The following CHD5 variants were observed in gnomAD, a reference collection of about 807,000 sequenced individuals.
CHD5 encodes the protein ATP-dependent chromatin remodeler CHD5.
Under a neutral mutation model 230.3 loss-of-function variants are expected in CHD5, and 69 were observed. The observed-to-expected ratio is 0.30, with a 90% CI of 0.25 to 0.37. The LOEUF (loss-of-function observed/expected upper bound fraction) is 0.37. Among genes scored for constraint, CHD5 ranks in the 10% least tolerant of loss-of-function variants. CHD5 has a pLI of 1.00. For missense variants in CHD5, 1,827 were observed against 2,622.8 expected, an observed-to-expected ratio of 0.70 and a Z score of 6.63; for synonymous variants, 1,064 against 1,065.9, an observed-to-expected ratio of 1.00 and a Z score of 0.03.
chr1:6,152,404 A>C lies in CHD5; in HGVS notation c.870+8T>G. 6.2e-7 allele frequency: 1 copy of C among 1,612,328 alleles called. No homozygotes were observed. The highest frequency in any genetic ancestry group is 8.5e-7 in the Non-Finnish European group (1 of 1,179,154). ...TGCACACACACGCGCACACACGCAC[A>C]CACTCACCGAGGAGCCTTTCTTCCT... is the stretch of plus-strand genomic sequence containing the variant. On this transcript the variant is annotated splice_region_variant and intron_variant, in intron 6 of 41. Coordinates refer to ENST00000262450, the MANE Select transcript of CHD5 (RefSeq NM_015557.3).
intron 1 of CHD5, among the ~76,000 whole-genome samples, chr1:6,176,425 G>A (rs1335091775): frequency 6.6e-6 from 1 of 152,206 alleles, no homozygotes; most frequent in African/African-American, 2.4e-5. Flanking sequence ...CTGGGCCAAT[G>A]AGGCAGGGAA....
At position 6,155,637 on chromosome 1, in the gene CHD5, G is replaced by A; in HGVS notation, c.468C>T (p.His156=). 6.2e-7 allele frequency: 1 copy of A among 1,614,148 alleles called. No homozygotes were observed. The highest frequency in any genetic ancestry group is 8.5e-7 in the Non-Finnish European group (1 of 1,180,002). The change falls in exon 4 of 42, where the codon CAC becomes CAT. Residue 156 remains histidine, a synonymous_variant. Coordinates refer to ENST00000262450, the MANE Select transcript of CHD5 (RefSeq NM_015557.3). This position sits in a 1 kb window ranked among gnomAD's most constrained non-coding sequence, Gnocchi z 4.0. The part of the protein sequence containing the change: ...VDYLFSEEDY[H]TLTNYKAFSQ... ...TGAAGGCCTTGTAGTTGGTCAGCGT[G>A]TGGTAATCCTCCTCCGAGAACAGGT...
Position 6,154,700 on chromosome 1 carries a change from C to A in CHD5, c.705G>T (p.Gln235His). ...PLAVSPPQVP[Q>H]PVPIRKAKTK... ...TCTTGGCCTTGCGGATAGGCACAGG[C>A]TGGGGCACCTGCGGGGGGCTGACGG... Residue 235 changes from glutamine (Q) to histidine (H), a missense_variant, in exon 5 of 42, where the codon CAG (glutamine) becomes CAT (histidine). This residue lies in a region of CHD5 where 657 missense variants were observed against 816.4 expected (regional missense o/e 0.80). Transcript: ENST00000262450. This position sits in a 1 kb window ranked among gnomAD's most constrained non-coding sequence, Gnocchi z 7.0. 1 of 1,599,904 alleles carries A rather than the reference C, an allele frequency of 6.3e-7. No homozygotes were observed. The highest frequency in any genetic ancestry group is 8.5e-7 in the Non-Finnish European group (1 of 1,172,060).
In CHD5 at chr1:6,135,365, G is replaced by C. The variant is rs1474624774; in HGVS notation, c.2735C>G (p.Ser912Cys). 6.2e-7 allele frequency: 1 copy of C among 1,613,520 alleles called. No homozygotes were observed. The highest frequency in any genetic ancestry group is 8.5e-7 in the Non-Finnish European group (1 of 1,179,764). ...EGFLEEFADI[S>C]KEDQIKKLHD... ...CAGCTTCTTGATCTGGTCTTCCTTG[G>C]AGATGTCAGCAAACTCCTCCAGGAA... The change falls in exon 18 of 42, where the codon TCC becomes TGC. Residue 912 changes from serine to cysteine, a missense_variant. This residue lies in a region of CHD5 where 52 missense variants were observed against 164.5 expected (regional missense o/e 0.32). Transcript: ENST00000262450.
chr1:6,116,063 G>C (rs1006631454), intron 33 of CHD5, among the ~76,000 whole-genome samples: 1 of 152,200 alleles, frequency 6.6e-6, no homozygotes, highest in African/African-American at 2.4e-5. Context: ...CTTGTACTCT[G>C]CTTTCTTCTT....
chr1:6,166,904 A>C (rs12085811), intron 2 of CHD5, among the ~76,000 whole-genome samples: 32,889 of 151,908 alleles, frequency 0.22, 5,663 homozygotes, highest in African/African-American at 0.48. Flanking sequence ...ATGGTGCACC[A>C]CCCGCAACAG....
chr1:6,127,792 T>C (rs1408891539), intron 25 of CHD5, among the ~76,000 whole-genome samples: 2 of 152,210 alleles, frequency 1.3e-5, no homozygotes, highest in Non-Finnish European at 2.9e-5. Context: ...CTGTTGTGTC[T>C]CTAGTCCTGA....
chr1:6,134,312 C>T lies in CHD5; in HGVS notation c.3013-53G>A. ...TGGTGGGCTCCCCTCTCCTCTCTGA[C>T]TCTGCACCAAAGGGGCCGCAGGGAA... On this transcript the variant is annotated intron_variant, in intron 19 of 41. Transcript: ENST00000262450. The surrounding 1 kb of genome is among the most constrained non-coding windows in gnomAD (Gnocchi z 6.3). 3 of 1,597,702 alleles carry T rather than the reference C, an allele frequency of 1.9e-6. No individual in the cohort carries two copies. In the South Asian group the frequency reaches 3.3e-5, roughly 18 times the overall value.
chr1:6,148,183 G>A (rs1388138470), intron 9 of CHD5, among the ~76,000 whole-genome samples: 1 of 152,216 alleles, frequency 6.6e-6, no homozygotes, highest in African/African-American at 2.4e-5. Flanking sequence ...CAGGACCTGA[G>A]GGGTGGAGGA....
At chr1:6,151,558 C>G (rs1025576519) in intron 6 of CHD5, among the ~76,000 whole-genome samples, 1 of 152,236 alleles carries the variant, frequency 6.6e-6, no homozygotes, top group African/African-American at 2.4e-5. Context: ...TCCTGTCTGA[C>G]TGGTACATCA....
Position 6,165,635 on chromosome 1 carries a change from G to GT in CHD5, c.207+2514dup, listed in dbSNP as rs377637960. ...TTACAGCCTCCACCAGACAGTCTCG[G>GT]TGTCTTCATCCCAGGGCCTTGCAGC... On this transcript the variant is annotated intron_variant, in intron 2 of 41. Coordinates refer to ENST00000262450, the MANE Select transcript of CHD5 (RefSeq NM_015557.3). 6.9e-3 allele frequency among the ~76,000 whole-genome samples: 1,045 copies of GT among 152,134 alleles called. 9 individuals carry two copies. Among genetic ancestry groups the GT allele is most frequent in the Non-Finnish European group, 0.012 (782 of 67,972 alleles).
At chr1:6,170,869 T>C (rs1424504744) in intron 1 of CHD5, among the ~76,000 whole-genome samples, 1 of 152,152 alleles carries the variant, frequency 6.6e-6, no homozygotes, top group Non-Finnish European at 1.5e-5. Context: ...GGGAGCTGTC[T>C]GTGGTGGGGC....
At chr1:6,169,453 T>G (rs915066689) in intron 1 of CHD5, among the ~76,000 whole-genome samples, 8 of 152,192 alleles carry the variant, frequency 5.3e-5, no homozygotes, top group Admixed American at 6.5e-5. Context: ...CAGGTCTGCC[T>G]CCCTCAACCT....
intron 15 of CHD5, among the ~76,000 whole-genome samples, chr1:6,137,675 C>T (rs1454611157): frequency 6.6e-6 from 1 of 152,232 alleles, no homozygotes. Context: ...GGCTGGAGCA[C>T]TCTCCCAGGT....
chr1:6,144,068 G>A lies in CHD5; in HGVS notation c.1890C>T (p.Asp630=). 1 of 1,614,208 alleles carries A rather than the reference G, an allele frequency of 6.2e-7. No individual in the cohort carries two copies. Among genetic ancestry groups the A allele is most frequent in the Non-Finnish European group, 8.5e-7 (1 of 1,180,042 alleles). The change falls in exon 12 of 42, where the codon GAC becomes GAT. Residue 630 remains aspartate, a synonymous_variant. Coordinates refer to ENST00000262450, the MANE Select transcript of CHD5 (RefSeq NM_015557.3). ...DQCTWEIDDI[D]IPYYDNLKQA... ...GCTTGAGGTTGTCGTAGTAGGGGAT[G>A]TCGATGTCATCGATCTCCCAGGTGC...
At chr1:6,115,535 A>G (rs1357855811) in intron 33 of CHD5, among the ~76,000 whole-genome samples, 1 of 152,166 alleles carries the variant, frequency 6.6e-6, no homozygotes, top group African/African-American at 2.4e-5. Flanking sequence ...GAAGCACGGG[A>G]GGGTTTCTGT....
In CHD5 at chr1:6,129,605, C is replaced by T. The variant is rs1025020740; in HGVS notation, c.3388-536G>A. On this transcript the variant is annotated intron_variant, in intron 22 of 41. Transcript: ENST00000262450. This position sits in a 1 kb window ranked among gnomAD's most constrained non-coding sequence, Gnocchi z 6.8. ...GTGTATATCTGTGTATGTGCATGGG[C>T]GCACACACATGTGAATGAGACATCA... Among the ~76,000 whole-genome samples, 5 of 152,232 alleles carry T rather than the reference C, an allele frequency of 3.3e-5. No individual in the cohort carries two copies. Among genetic ancestry groups the T allele is most frequent in the East Asian group, 3.9e-4 (2 of 5,172 alleles).
chr1:6,176,998 C>T (rs1210659696), intron 1 of CHD5, among the ~76,000 whole-genome samples: 13 of 152,182 alleles, frequency 8.5e-5, no homozygotes, highest in Non-Finnish European at 1.8e-4. Context: ...CCAGAGCTGG[C>T]CAGGGCAAAC....
chr1:6,162,772 G>A (rs555136592), intron 2 of CHD5, among the ~76,000 whole-genome samples: 3 of 152,340 alleles, frequency 2.0e-5, no homozygotes, highest in Admixed American at 1.3e-4. Context: ...TTTTGCTGTC[G>A]GGATTGGGCT....
Sources: gnomAD v4.1 joint callset for allele counts (sites outside exome capture counted in the v4.1 genomes callset) on GRCh38, gnomAD v4.1.1 for gene constraint, gnomAD v4.1.1 regional missense constraint, Gnocchi (gnomAD v3.1) non-coding constraint, MANE v1.5 for transcripts, NCBI Gene and HGNC (gene_info 2026-07-23, HGNC 2026-07-21) for gene names.